Variants in ARHGEF28 observed in about 807,000 individuals in gnomAD.
The protein encoded by ARHGEF28 is Rho guanine nucleotide exchange factor 28, also known as 190 kDa guanine nucleotide exchange factor.
Under a neutral mutation model 206.6 loss-of-function variants are expected in ARHGEF28, and 152 were observed. That is an observed-to-expected ratio of 0.74 (90% CI 0.64 to 0.84). ARHGEF28 has a LOEUF of 0.84. Among genes scored for constraint, ARHGEF28 ranks in the 40% least tolerant of loss-of-function variants. ARHGEF28 has a pLI of 0.00. For missense variants in ARHGEF28, 2,028 were observed against 2,073.2 expected, an observed-to-expected ratio of 0.98 and a Z score of 0.42; for synonymous variants, 763 against 776.4, an observed-to-expected ratio of 0.98 and a Z score of 0.29.
chr5:73,775,003 C>A (rs1753464016), intron 5 of ARHGEF28, among the ~76,000 whole-genome samples: 1 of 152,132 alleles, frequency 6.6e-6, no homozygotes, highest in Non-Finnish European at 1.5e-5. Flanking sequence ...GAGTAGAAAT[C>A]AGAGCTTTTG....
At chr5:73,789,230 C>A (rs570931117) in intron 7 of ARHGEF28, among the ~76,000 whole-genome samples, 1 of 152,300 alleles carries the variant, frequency 6.6e-6, no homozygotes, top group South Asian at 2.1e-4. Context: ...GAATGAAGTA[C>A]TAATACATGC....
chr5:73,902,764 A>T (rs1047135137), intron 31 of ARHGEF28: 1 of 152,250 alleles, frequency 6.6e-6, no homozygotes, highest in Non-Finnish European at 1.5e-5. Flanking sequence ...CAACTCCATT[A>T]AAAACGCGAA....
chr5:73,706,402 T>C (rs548583898), intron 2 of ARHGEF28, among the ~76,000 whole-genome samples: 2 of 152,244 alleles, frequency 1.3e-5, no homozygotes, highest in East Asian at 3.9e-4. Context: ...TTGACGATGA[T>C]TTTGATTTCT....
rs1757362117 is a variant in ARHGEF28, at chr5:73,832,530, C to T, written c.1146+71C>T. ...AACCTGGGTTTGTAAGAAATAGATT[C>T]AGCATTGTTGTGTTCCTTTGACAAT... On this transcript the variant is annotated intron_variant, in intron 10 of 35. Coordinates refer to ENST00000513042, the MANE Select transcript of ARHGEF28 (RefSeq NM_001177693.2). 3.2e-6 allele frequency: 5 copies of T among 1,555,260 alleles called. No individual in the cohort carries two copies. The Admixed American group carries it at 9.2e-5, about 29-fold the overall frequency.
At chr5:73,820,894 T>C (rs377395922) in intron 9 of ARHGEF28, among the ~76,000 whole-genome samples, 15 of 152,236 alleles carry the variant, frequency 9.9e-5, no homozygotes, top group African/African-American at 3.6e-4. Flanking sequence ...TTGGTAATGG[T>C]TGTCCTCATG....
At chr5:73,880,096 C>T (rs4469184) in intron 22 of ARHGEF28, among the ~76,000 whole-genome samples, 90,125 of 152,106 alleles carry the variant, frequency 0.59, 27,350 homozygotes, top group African/African-American at 0.7. Flanking sequence ...GGAGCTTCCC[C>T]GCTGCTTTGT....
At chr5:73,880,895 G>A (rs888110685) in intron 22 of ARHGEF28, among the ~76,000 whole-genome samples, 9 of 151,770 alleles carry the variant, frequency 5.9e-5, no homozygotes, top group Non-Finnish European at 2.9e-5. Context: ...TCCTTCTCCT[G>A]CACTCCAGCC....
chr5:73,868,470 G>A lies in ARHGEF28; in HGVS notation c.2425+243G>A, dbSNP rs116116908. ...TAAATAGACATATTACTAAAAGAAT[G>A]TCACAAGCATAACGAAGAGAAATGA... is the stretch of plus-strand genomic sequence containing the variant. On this transcript the variant is annotated intron_variant, in intron 20 of 35. Coordinates refer to ENST00000513042, the MANE Select transcript of ARHGEF28 (RefSeq NM_001177693.2). Among the ~76,000 whole-genome samples, 141 of 152,252 alleles carry A rather than the reference G, an allele frequency of 9.3e-4. 1 individual carries two copies. Among genetic ancestry groups the A allele is most frequent in the African/African-American group, 2.8e-3 (118 of 41,540 alleles).
intron 1 of ARHGEF28, among the ~76,000 whole-genome samples, chr5:73,658,864 G>C (rs1350360985): frequency 6.6e-6 from 1 of 151,864 alleles, no homozygotes; most frequent in Non-Finnish European, 1.5e-5. Flanking sequence ...GTTTTACTAG[G>C]TGCTCTGTAC....
At chr5:73,816,237 C>T (rs1756202976) in intron 9 of ARHGEF28, among the ~76,000 whole-genome samples, 1 of 152,160 alleles carries the variant, frequency 6.6e-6, no homozygotes, top group African/African-American at 2.4e-5. Flanking sequence ...CATGCCCCCT[C>T]CATATAGTGG....
chr5:73,886,054 T>C lies in ARHGEF28; in HGVS notation c.3260T>C (p.Leu1087Pro). Reference sequence around the variant, plus strand: ...GCACTGATGAGTGAAGAAAGGACTCTGTTATATGATGGCCTTGTTTACTGG... The same window carrying C: ...GCACTGATGAGTGAAGAAAGGACTCCGTTATATGATGGCCTTGTTTACTGG... Reference protein sequence around the residue: ...KQALMSEERTLLYDGLVYWKT... With the variant: ...KQALMSEERTPLYDGLVYWKT... The change falls in exon 25 of 36, where the codon CTG becomes CCG. Residue 1087 changes from leucine (L) to proline (P), a missense_variant. Physicochemically the swap from Leu to Pro is moderately conservative, Grantham distance 98 (BLOSUM62 -3). Coordinates refer to ENST00000513042, the MANE Select transcript of ARHGEF28 (RefSeq NM_001177693.2). 6.2e-7 allele frequency: 1 copy of C among 1,613,852 alleles called. No homozygotes were observed. The highest frequency in any genetic ancestry group is 8.5e-7 in the Non-Finnish European group (1 of 1,179,850).
rs781271172 is a variant in ARHGEF28, at chr5:73,894,386, T to C, written c.3659-7T>C. On this transcript the variant is annotated splice_polypyrimidine_tract_variant and splice_region_variant and intron_variant, in intron 28 of 35. Coordinates refer to ENST00000513042, the MANE Select transcript of ARHGEF28 (RefSeq NM_001177693.2). ...GATAATCTTCTATGGTAAATACTAT[T>C]TCATAGAAATACTCACTAACCAAGA... The C allele has an allele frequency of 6.3e-7, 1 of 1,596,282 alleles. No individual in the cohort carries two copies. Among genetic ancestry groups the C allele is most frequent in the South Asian group, 1.1e-5 (1 of 89,008 alleles).
intron 9 of ARHGEF28, among the ~76,000 whole-genome samples, chr5:73,817,660 G>T (rs1756306636): frequency 6.6e-6 from 1 of 152,178 alleles, no homozygotes; most frequent in African/African-American, 2.4e-5. Context: ...AGATGTGATT[G>T]TCATCTTCAT....
intron 20 of ARHGEF28, among the ~76,000 whole-genome samples, chr5:73,869,216 G>T (rs1375860595): frequency 1.1e-5 from 1 of 90,816 alleles, no homozygotes; most frequent in Non-Finnish European, 2.3e-5. Flanking sequence ...GAGTGTGTGT[G>T]TGGGGTGGAG....
At chr5:73,691,176 C>T (rs188148905) in intron 2 of ARHGEF28, among the ~76,000 whole-genome samples, 77 of 152,232 alleles carry the variant, frequency 5.1e-4, no homozygotes, top group Non-Finnish European at 9.6e-4. Context: ...GAGATCCACC[C>T]ACCTTGGACT....
intron 22 of ARHGEF28, 137 bp downstream of exon 22, chr5:73,873,383 GTTAGAT>G: frequency 8.3e-6 from 10 of 1,199,754 alleles, no homozygotes; most frequent in Non-Finnish European, 1.0e-5. Flanking sequence ...GTTTACCATC[GTTAGAT>G]TGTAACTCCC....
intron 4 of ARHGEF28, among the ~76,000 whole-genome samples, chr5:73,765,879 G>A (rs140600035): frequency 0.029 from 4,411 of 152,254 alleles, 198 homozygotes; most frequent in African/African-American, 0.098. Flanking sequence ...TGGGCTGGGC[G>A]CGGTGGCTCA....
At chr5:73,799,537 G>A (rs1243504848) in intron 9 of ARHGEF28, among the ~76,000 whole-genome samples, 5 of 152,110 alleles carry the variant, frequency 3.3e-5, no homozygotes, top group Admixed American at 6.5e-5. Flanking sequence ...TTCTTTCATC[G>A]AATAATATGT....
chr5:73,757,834 G>A (rs961094404), intron 4 of ARHGEF28, among the ~76,000 whole-genome samples: 4 of 152,178 alleles, frequency 2.6e-5, no homozygotes, highest in Non-Finnish European at 4.4e-5. Context: ...GCATTGAATA[G>A]TAATATAATT....
Sources: allele counts gnomAD v4.1 joint callset (sites outside exome capture counted in the v4.1 genomes callset), GRCh38; gene constraint gnomAD v4.1.1; transcripts MANE v1.5; gene names NCBI Gene and HGNC (gene_info 2026-07-23, HGNC 2026-07-21).